ERBB4: variants seen among roughly 807,000 people sequenced by gnomAD.
The protein encoded by ERBB4 is erb-b2 receptor tyrosine kinase 4, also known as receptor tyrosine-protein kinase erbB-4.
Under a neutral mutation model 158.0 loss-of-function variants are expected in ERBB4, and 42 were observed. The observed-to-expected ratio is 0.27, with a 90% CI of 0.21 to 0.34. The LOEUF (loss-of-function observed/expected upper bound fraction) is 0.34, where lower values mean the gene tolerates loss of function less well. Among genes scored for constraint, ERBB4 ranks in the 10% least tolerant of loss-of-function variants. The probability of loss-of-function intolerance (pLI) is 1.00; values close to 1 mark genes in which losing one functional copy is unlikely to be tolerated. For missense variants in ERBB4, 1,333 were observed against 1,624.1 expected (o/e 0.82, Z 3.08); for synonymous variants, 583 against 558.7 (o/e 1.04, Z -0.61).
intron 1 of ERBB4, among the ~76,000 whole-genome samples, chr2:212,423,639 C>T (rs1289141434): frequency 6.6e-6 from 1 of 152,098 alleles, no homozygotes; most frequent in Non-Finnish European, 1.5e-5. Flanking sequence ...AATTGCTACC[C>T]ATATAGCATA....
chr2:211,572,696 T>C, intron 19 of ERBB4, among the ~76,000 whole-genome samples: 1 of 152,184 alleles, frequency 6.6e-6, no homozygotes, highest in East Asian at 1.9e-4. Context: ...ACAAACCCTG[T>C]TGCTGTTACT....
intron 1 of ERBB4, among the ~76,000 whole-genome samples, chr2:212,229,094 T>C (rs2083576392): frequency 6.6e-6 from 1 of 152,192 alleles, no homozygotes; most frequent in African/African-American, 2.4e-5. Context: ...CAGAGCACTG[T>C]AAGTGTGTGT....
intron 13 of ERBB4, among the ~76,000 whole-genome samples, chr2:211,675,395 T>A (rs1237238648): frequency 2.6e-5 from 4 of 152,130 alleles, no homozygotes; most frequent in South Asian, 2.1e-4. Flanking sequence ...CCTCATTTTT[T>A]AAAATATCCT....
chr2:212,131,451 A>T (rs1336560773), intron 1 of ERBB4, among the ~76,000 whole-genome samples: 4 of 152,162 alleles, frequency 2.6e-5, no homozygotes, highest in Non-Finnish European at 5.9e-5. Context: ...GCCTTCTCTG[A>T]CCACCTTATT....
At chr2:212,447,190 G>A (rs1478514440) in intron 1 of ERBB4, among the ~76,000 whole-genome samples, 1 of 151,650 alleles carries the variant, frequency 6.6e-6, no homozygotes, top group African/African-American at 2.4e-5. Flanking sequence ...GTAGAGACGG[G>A]GTTTCATTGT....
chr2:212,044,426 G>GT lies in ERBB4; in HGVS notation c.234+80325dup, dbSNP rs993881954. ...TGCCGCCTTTTGGTTGAAGTACTGA[G>GT]TTTTTTTCTAGTCTACCTAACCCTC... On this transcript the variant is annotated intron_variant, in intron 2 of 27. Coordinates refer to ENST00000342788, the MANE Select transcript of ERBB4 (RefSeq NM_005235.3). 3.3e-5 allele frequency among the ~76,000 whole-genome samples: 5 copies of GT among 152,128 alleles called. No homozygotes were observed. In the East Asian group the frequency reaches 9.6e-4, roughly 29 times the overall value.
rs2062607878 is a variant in ERBB4, at chr2:211,383,298, G to GA, written c.*316dup. The GA allele has an allele frequency of 7.1e-6, 2 of 281,460 alleles. No individual in the cohort carries two copies. Among genetic ancestry groups the GA allele is most frequent in the Non-Finnish European group, 1.3e-5 (2 of 149,456 alleles). The allele number at this position is 281,460 out of a possible 1,614,324, so 17.4% of individuals were successfully genotyped here. On this transcript the variant is annotated 3_prime_UTR_variant, in exon 28 of 28. Transcript: ENST00000342788. Reference sequence around the variant, plus strand: ...AGAAACAAAGAAAGAAAAAGAAAAAGAAAAAAAGTGACAGCTAGTTTGATA... The same window carrying GA: ...AGAAACAAAGAAAGAAAAAGAAAAAGAAAAAAAAGTGACAGCTAGTTTGATA...
chr2:211,462,058 G>A (rs4673620), intron 20 of ERBB4, among the ~76,000 whole-genome samples: 4,524 of 152,030 alleles, frequency 0.03, 120 homozygotes, highest in East Asian at 0.086. Context: ...AAAGAAAAGA[G>A]GTTTAATTGA....
At chr2:212,404,697 A>G (rs113341440) in intron 1 of ERBB4, among the ~76,000 whole-genome samples, 1,716 of 152,096 alleles carry the variant, frequency 0.011, 14 homozygotes, top group Middle Eastern at 0.037. Flanking sequence ...GGTTTGTTAC[A>G]TAAGTCAACT....
intron 1 of ERBB4, among the ~76,000 whole-genome samples, chr2:212,498,742 C>T (rs1690720274): frequency 6.6e-6 from 1 of 151,980 alleles, no homozygotes. Flanking sequence ...ATAATCTTTA[C>T]TTTCCCTACC....
At chr2:212,380,992 A>G (rs1305196827) in intron 1 of ERBB4, among the ~76,000 whole-genome samples, 1 of 151,324 alleles carries the variant, frequency 6.6e-6, no homozygotes, top group Non-Finnish European at 1.5e-5. Flanking sequence ...TTTCGTTTTC[A>G]TTGTTTCAAG....
At chr2:211,720,173 T>C (rs1337625533) in intron 7 of ERBB4, among the ~76,000 whole-genome samples, 1 of 152,174 alleles carries the variant, frequency 6.6e-6, no homozygotes, top group Admixed American at 6.5e-5. Context: ...GCATAATAAT[T>C]GGTAAGAAAT....
rs878944435 is a variant in ERBB4, at chr2:211,383,242, TAAAAAAAAA to T, written c.*364_*372del. On this transcript the variant is annotated 3_prime_UTR_variant, in exon 28 of 28. Coordinates refer to ENST00000342788, the MANE Select transcript of ERBB4 (RefSeq NM_005235.3). ...GCATGGGTGTTTCAACCATCTGCTTTAAAAAAAAAAAAAAAAAAGAAGAGGAAGAAAGAA... is the reference window on the plus strand; with the variant it reads ...GCATGGGTGTTTCAACCATCTGCTTTAAAAAAAAAGAAGAGGAAGAAAGAA... 1.8e-5 allele frequency: 4 copies of T among 216,372 alleles called. No homozygotes were observed. Among genetic ancestry groups the T allele is most frequent in the Admixed American group, 6.5e-5 (1 of 15,340 alleles). The allele number at this position is 216,372 out of a possible 1,614,324, so 13.4% of individuals were successfully genotyped here.
intron 19 of ERBB4, among the ~76,000 whole-genome samples, chr2:211,601,850 T>TACCATGTATAGGAAATAAATATC (rs2068811100): frequency 1.3e-5 from 2 of 152,022 alleles, no homozygotes; most frequent in African/African-American, 4.8e-5. Flanking sequence ...AAATAAATAT[T>TACCATGTATAGGAAATAAATATC]ACCATGTATA....
chr2:212,325,532 T>C (rs1018495336), intron 1 of ERBB4, among the ~76,000 whole-genome samples: 2 of 150,868 alleles, frequency 1.3e-5, no homozygotes, highest in Admixed American at 6.6e-5. Context: ...TTCTAGGCTA[T>C]GTTTTTCTTT....
intron 3 of ERBB4, among the ~76,000 whole-genome samples, chr2:211,814,649 T>G (rs2076837715): frequency 6.6e-6 from 1 of 151,630 alleles, no homozygotes; most frequent in Non-Finnish European, 1.5e-5. Context: ...AAAAAAAAAG[T>G]AAATTTACAA....
intron 1 of ERBB4, among the ~76,000 whole-genome samples, chr2:212,463,444 TCTAC>T (rs780032412): frequency 2.0e-5 from 3 of 152,080 alleles, no homozygotes; most frequent in Non-Finnish European, 2.9e-5. Context: ...GATATATCTA[TCTAC>T]CATCTCTATA....
chr2:211,723,186 G>A (rs1486826967), intron 6 of ERBB4, among the ~76,000 whole-genome samples: 2 of 152,106 alleles, frequency 1.3e-5, no homozygotes, highest in East Asian at 1.9e-4. Flanking sequence ...GTAGAAGACA[G>A]TTCATTTCTG....
chr2:212,010,735 T>C (rs2076366070), intron 2 of ERBB4, among the ~76,000 whole-genome samples: 1 of 152,140 alleles, frequency 6.6e-6, no homozygotes, highest in African/African-American at 2.4e-5. Flanking sequence ...TTCCCCACCC[T>C]AGTAAGCCTG....
Sources: gnomAD v4.1 joint callset for allele counts (sites outside exome capture counted in the v4.1 genomes callset) on GRCh38, gnomAD v4.1.1 for gene constraint, MANE v1.5 for transcripts, NCBI Gene and HGNC (gene_info 2026-07-23, HGNC 2026-07-21) for gene names.